Variants in DNAH17 observed in about 807,000 individuals in gnomAD.
DNAH17 encodes dynein axonemal heavy chain 17, also known as axonemal beta dynein heavy chain 17.
A neutral mutation model predicts 485.6 loss-of-function variants in DNAH17; 376 were observed. The ratio of observed to expected loss-of-function variants is 0.77; its 90% CI spans 0.71 to 0.84. The LOEUF (loss-of-function observed/expected upper bound fraction) is 0.84. Among genes scored for constraint, DNAH17 ranks in the 40% least tolerant of loss-of-function variants. The pLI is 0.00. For missense variants in DNAH17, 6,370 were observed against 5,839.3 expected (o/e 1.09, Z -2.96); for synonymous variants, 3,031 against 2,405.9 (o/e 1.26, Z -7.60).
chr17:78,495,571 G>A (rs767902155), intron 38 of DNAH17, among the ~76,000 whole-genome samples: 79 of 152,022 alleles, frequency 5.2e-4, no homozygotes, highest in Middle Eastern at 3.4e-3. Flanking sequence ...CTGAGTAGCT[G>A]TGATTACAGG....
chr17:78,487,408 C>G (rs939185844), intron 44 of DNAH17, among the ~76,000 whole-genome samples: 8 of 152,212 alleles, frequency 5.3e-5, no homozygotes, highest in Admixed American at 5.2e-4. Context: ...CTGGCCCCCT[C>G]GAGTGCCAGT....
chr17:78,575,138 AC>A, intron 1 of DNAH17, 56 bp from the exon 2 acceptor site: 1 of 1,155,228 alleles, frequency 8.7e-7, no homozygotes, highest in Non-Finnish European at 1.2e-6. Flanking sequence ...CCAATTTCCC[AC>A]CCATCCCTGG....
intron 31 of DNAH17, among the ~76,000 whole-genome samples, chr17:78,503,843 G>A (rs955861615): frequency 2.6e-5 from 4 of 152,038 alleles, no homozygotes; most frequent in African/African-American, 9.7e-5. Context: ...GCAGGCACCT[G>A]TAATCCTAGG....
rs1568034120 is a variant in DNAH17, at chr17:78,426,465, GGAGCAGCAGGT to G, written c.12896_12906del (p.Asp4299AlafsTer91). The G allele has an allele frequency of 1.1e-5, 17 of 1,601,476 alleles. No homozygotes were observed. The highest frequency in any genetic ancestry group is 1.4e-5 in the Non-Finnish European group (17 of 1,174,882). On this transcript the variant is annotated frameshift_variant, in exon 79 of 81. Coordinates refer to ENST00000389840, the MANE Select transcript of DNAH17 (RefSeq NM_173628.4). LOFTEE classifies it high-confidence loss of function. Reference sequence around the variant, plus strand: ...GAGAAAACGGCACTTACCCTGATGCGGAGCAGCAGGTCTGCGTACCAGGCCGCCAGGCCCAT... The same window carrying G: ...GAGAAAACGGCACTTACCCTGATGCGCTGCGTACCAGGCCGCCAGGCCCAT...
At chr17:78,495,387 G>A (rs968137392) in intron 38 of DNAH17, among the ~76,000 whole-genome samples, 3 of 151,886 alleles carry the variant, frequency 2.0e-5, no homozygotes, top group Middle Eastern at 6.8e-3. Flanking sequence ...CCACCCAGGG[G>A]AAGACAGAGT....
At chr17:78,437,187 A>G (rs2086876938) in intron 74 of DNAH17, among the ~76,000 whole-genome samples, 1 of 152,216 alleles carries the variant, frequency 6.6e-6, no homozygotes, top group African/African-American at 2.4e-5. Flanking sequence ...CCAGAGCCTC[A>G]GCGAGTACAG....
Position 78,530,454 on chromosome 17 carries a change from AACACCT to A in DNAH17, c.3167_3172del (p.Lys1056_Phe1058delinsIle), listed in dbSNP as rs773840815. On this transcript the variant is annotated inframe_deletion, in exon 21 of 81. Transcript: ENST00000389840. The stretch of plus-strand genomic sequence containing the variant: ...GCAGTCGCACTGCAGCCAGCCGTGG[AACACCT>A]TGGTGTTCTCGCACTTGGACACCTC... 1 of 1,613,616 alleles carries A rather than the reference AACACCT, an allele frequency of 6.2e-7. No individual in the cohort carries two copies. Among genetic ancestry groups the A allele is most frequent in the East Asian group, 2.2e-5 (1 of 44,872 alleles).
intron 55 of DNAH17, 145 bp downstream of exon 55, chr17:78,468,472 G>A: frequency 9.0e-7 from 1 of 1,114,526 alleles, no homozygotes; most frequent in Non-Finnish European, 1.2e-6. Context: ...TCATCAGACA[G>A]CCCCACCCCT....
At chr17:78,538,168 G>A (rs1229350756) in intron 18 of DNAH17, among the ~76,000 whole-genome samples, 1 of 146,416 alleles carries the variant, frequency 6.8e-6, no homozygotes, top group African/African-American at 2.5e-5. Flanking sequence ...AAAAAAGAAT[G>A]GAGACATTGT....
chr17:78,503,049 G>A, intron 31 of DNAH17, 38 bp from the exon 32 acceptor site: 15 of 1,584,866 alleles, frequency 9.5e-6, no homozygotes, highest in Non-Finnish European at 1.3e-5. Flanking sequence ...ACAGCCATGT[G>A]TGCCTGCCTC....
At chr17:78,434,687 G>A (rs374829234) in intron 74 of DNAH17, among the ~76,000 whole-genome samples, 7 of 152,052 alleles carry the variant, frequency 4.6e-5, no homozygotes, top group East Asian at 1.9e-4. Context: ...GGATGGGGTC[G>A]CTTCTCAAAC....
chr17:78,473,370 C>A (rs192719795), intron 54 of DNAH17, among the ~76,000 whole-genome samples: 1 of 152,050 alleles, frequency 6.6e-6, no homozygotes, highest in African/African-American at 2.4e-5. Context: ...CGGTGAAACC[C>A]CGTCTCTACT....
At chr17:78,460,662 G>A (rs2088073347) in intron 58 of DNAH17, among the ~76,000 whole-genome samples, 2 of 152,330 alleles carry the variant, frequency 1.3e-5, no homozygotes, top group African/African-American at 2.4e-5. Flanking sequence ...AATGAGCAAT[G>A]CCTCGACAGT....
At chr17:78,425,756 CTTT>C (rs71160294) in intron 79 of DNAH17, among the ~76,000 whole-genome samples, 185 bp from the exon 80 acceptor site, 13 of 120,734 alleles carry the variant, frequency 1.1e-4, no homozygotes, top group African/African-American at 5.0e-4. Context: ...TTGGTGTCTG[CTTT>C]TTTTTTTTTT....
chr17:78,425,585 C>T lies in DNAH17; in HGVS notation c.12916-14G>A, dbSNP rs775003787. The stretch of plus-strand genomic sequence containing the variant: ...GGCCTCGAGTTCCTGCAAGGACACA[C>T]GAGCCGCTAGGAGGAGAGGACATAG... On this transcript the variant is annotated splice_polypyrimidine_tract_variant and intron_variant, in intron 79 of 80. Transcript: ENST00000389840. 9.5e-6 allele frequency: 15 copies of T among 1,574,606 alleles called. No individual in the cohort carries two copies. Among genetic ancestry groups the T allele is most frequent in the South Asian group, 2.3e-5 (2 of 87,054 alleles).
intron 19 of DNAH17, 180 bp from the exon 20 acceptor site, chr17:78,532,916 C>T: frequency 1.5e-6 from 1 of 662,146 alleles, no homozygotes; most frequent in Non-Finnish European, 2.5e-6. Flanking sequence ...CCTGGTGGTC[C>T]CCCACTCCTG....
chr17:78,502,132 A>G (rs767266097), intron 33 of DNAH17: 197 of 510,028 alleles, frequency 3.9e-4, no homozygotes, highest in Non-Finnish European at 6.3e-4. Context: ...TGAGAAGCAA[A>G]AACAGCTGAC....
chr17:78,446,309 C>T (rs530529681), intron 69 of DNAH17, among the ~76,000 whole-genome samples: 166 of 152,076 alleles, frequency 1.1e-3, no homozygotes, highest in African/African-American at 3.9e-3. Flanking sequence ...GTTACCCCCT[C>T]GCCCCTGAAG....
At chr17:78,533,341 G>C (rs935228642) in intron 19 of DNAH17, among the ~76,000 whole-genome samples, 1 of 152,190 alleles carries the variant, frequency 6.6e-6, no homozygotes, top group Non-Finnish European at 1.5e-5. Context: ...GCAGGTCAGG[G>C]AATGGCCCCG....
Sources: allele counts gnomAD v4.1 joint callset (sites outside exome capture counted in the v4.1 genomes callset), GRCh38; gene constraint gnomAD v4.1.1; transcripts MANE v1.5; gene names NCBI Gene and HGNC (gene_info 2026-07-23, HGNC 2026-07-21).